SPTAN1: variants seen among roughly 807,000 people sequenced by gnomAD.
The protein encoded by SPTAN1 is spectrin alpha, non-erythrocytic 1, also known as spectrin alpha chain, non-erythrocytic 1.
In SPTAN1, 61 loss-of-function variants were observed where a neutral mutation model predicts 331.3. The observed-to-expected ratio is 0.18, with a 90% CI of 0.15 to 0.23. The LOEUF (loss-of-function observed/expected upper bound fraction) is 0.23. Ranked by LOEUF, SPTAN1 falls within the 10% of genes least tolerant of loss-of-function variation. The pLI, the probability that SPTAN1 is intolerant of heterozygous loss-of-function variation, is 1.00. For synonymous variants in SPTAN1, 1,153 were observed against 1,173.9 expected (o/e 0.98, Z 0.36); for missense variants, 2,043 against 3,147.9 (o/e 0.65, Z 8.40).
chr9:128,583,833 A>G lies in SPTAN1; in HGVS notation c.2057A>G (p.Asn686Ser), dbSNP rs746207210. 1.2e-6 allele frequency: 2 copies of G among 1,614,226 alleles called. No individual in the cohort carries two copies. Among genetic ancestry groups the G allele is most frequent in the South Asian group, 1.1e-5 (1 of 91,092 alleles). ...AACCAGCAACAGCAATTTAATCGCA[A>G]TGTTGAGGATATTGAATTGTGGCTA... ...EANQQQQFNRNVEDIELWLYE... is the reference protein window; with the variant it reads ...EANQQQQFNRSVEDIELWLYE... Residue 686 changes from asparagine to serine, a missense_variant, in exon 16 of 57, where the codon AAT (asparagine) becomes AGT (serine). Asn to Ser is a conservative substitution (Grantham distance 46). This residue lies in a region of SPTAN1 where 1,038 missense variants were observed against 1,531.5 expected (regional missense o/e 0.68). Coordinates refer to ENST00000372739, the MANE Select transcript of SPTAN1 (RefSeq NM_001130438.3).
rs926048060 is a variant in SPTAN1 at position 128,608,412 on chromosome 9, A to T, written c.4491+136A>T. On this transcript the variant is annotated intron_variant, in intron 34 of 56. Coordinates refer to ENST00000372739, the MANE Select transcript of SPTAN1 (RefSeq NM_001130438.3). The stretch of plus-strand genomic sequence containing the variant: ...AAAAATATGTACATAAATAATCTTT[A>T]AAACTTTATAGATTCTGGTATTTCT... The T allele has an allele frequency of 8.8e-6, 10 of 1,130,314 alleles. No homozygotes were observed. The African/African-American group carries it at 1.3e-4, about 14-fold the overall frequency. The allele number at this position is 1,130,314 out of a possible 1,614,324, so 70.0% of individuals were successfully genotyped here.
rs11444346 is a variant in SPTAN1, at chr9:128,624,086, CAAAAAAAAAA to C, written c.5833-225_5833-216del. Among the ~76,000 whole-genome samples the C allele has an allele frequency of 7.2e-4, 48 of 66,814 alleles. 3 individuals are homozygous for C. In the South Asian group the frequency reaches 7.8e-3, roughly 11 times the overall value. The allele number at this position is 66,814 out of a possible 152,430, so 43.8% of individuals were successfully genotyped here. A position where few individuals can be genotyped will look rare whatever the true frequency, so the allele number is the denominator to read the frequency against. Reference sequence around the variant, plus strand: ...CGACGGAGTGAAATTCACTCCGTCTCAAAAAAAAAAAAAAAAAAAAAAAAAAGAATTCCTA... The same window carrying C: ...CGACGGAGTGAAATTCACTCCGTCTCAAAAAAAAAAAAAAAAGAATTCCTA... On this transcript the variant is annotated intron_variant, in intron 45 of 56. Transcript: ENST00000372739.
In SPTAN1 at chr9:128,607,887, T is replaced by G. The variant is rs1856094333; in HGVS notation, c.4182T>G (p.Thr1394=). The change falls in exon 33 of 57, where the codon ACT becomes ACG. Residue 1394 remains threonine (T), a synonymous_variant. Transcript: ENST00000372739. ...CAGAAATCGATGCCAGGGCTGGCAC[T>G]TTCCAGGCATTTGAGCAGTTTGGAC... ...HRTEIDARAG[T]FQAFEQFGQQ... 1.9e-6 allele frequency: 3 copies of G among 1,613,984 alleles called. No individual in the cohort carries two copies. The highest frequency in any genetic ancestry group is 2.5e-6 in the Non-Finnish European group (3 of 1,180,038).
At chr9:128,626,034 A>C (rs1589387153) in intron 48 of SPTAN1, 56 bp downstream of exon 48, 11 of 1,597,558 alleles carry the variant, frequency 6.9e-6, no homozygotes, top group Non-Finnish European at 8.6e-6. Flanking sequence ...AAGGACGCCC[A>C]CCTTCTGTCT....
At position 128,564,159 on chromosome 9, in the gene SPTAN1, G is replaced by A. The variant is rs150275002; in HGVS notation, c.-3-2579G>A. Among the ~76,000 whole-genome samples, 934 of 151,998 alleles carry A rather than the reference G, an allele frequency of 6.1e-3. 6 individuals are homozygous for A. The highest frequency in any genetic ancestry group is 0.022 in the African/African-American group (899 of 41,462). Reference sequence around the variant, plus strand: ...GTCATGGCTGTGCGTGGTGGCTCACGCCTGTAATCTTAGCACTTTGGGAGG... The same window carrying A: ...GTCATGGCTGTGCGTGGTGGCTCACACCTGTAATCTTAGCACTTTGGGAGG... On this transcript the variant is annotated intron_variant, in intron 1 of 56. Coordinates refer to ENST00000372739, the MANE Select transcript of SPTAN1 (RefSeq NM_001130438.3).
chr9:128,621,369 C>G, intron 45 of SPTAN1, 113 bp downstream of exon 45: 1 of 842,618 alleles, frequency 1.2e-6, no homozygotes, highest in Non-Finnish European at 2.0e-6. Flanking sequence ...CCAAGGTCTG[C>G]GTGGAGACCA....
At chr9:128,624,184 C>G (rs1858380639) in intron 45 of SPTAN1, 144 bp from the exon 46 acceptor site, 5 of 851,278 alleles carry the variant, frequency 5.9e-6, no homozygotes, top group Admixed American at 2.0e-5. Context: ...CTTACAAAAG[C>G]CTTACCCTAT....
Position 128,630,387 on chromosome 9 carries a change from T to C in SPTAN1, c.6762+12T>C, listed in dbSNP as rs1859505493. 1.2e-6 allele frequency: 2 copies of C among 1,611,894 alleles called. No homozygotes were observed. The highest frequency in any genetic ancestry group is 1.7e-6 in the Non-Finnish European group (2 of 1,179,912). On this transcript the variant is annotated intron_variant, in intron 52 of 56. Transcript: ENST00000372739. Reference sequence around the variant, plus strand: ...TTGAAGCTACCAAAGTAAGTGCCCGTGGGGCTCTGGCCCAGCAGAGACCCT... The same window carrying C: ...TTGAAGCTACCAAAGTAAGTGCCCGCGGGGCTCTGGCCCAGCAGAGACCCT...
intron 1 of SPTAN1, among the ~76,000 whole-genome samples, chr9:128,563,719 T>C (rs1849677352): frequency 1.3e-5 from 2 of 151,242 alleles, no homozygotes; most frequent in South Asian, 2.1e-4. Context: ...CCATTTCTTT[T>C]TTTTTTTTTT....
At chr9:128,581,484 A>AG in intron 11 of SPTAN1, among the ~76,000 whole-genome samples, 1 of 151,464 alleles carries the variant, frequency 6.6e-6, no homozygotes, top group East Asian at 1.9e-4. Context: ...CAAAAAAAAA[A>AG]AAAACAAACA....
intron 45 of SPTAN1, among the ~76,000 whole-genome samples, chr9:128,622,530 C>T (rs1264967133): frequency 6.6e-6 from 1 of 151,766 alleles, no homozygotes; most frequent in Non-Finnish European, 1.5e-5. Context: ...AACTCCTGAC[C>T]TCAGGTGATC....
intron 45 of SPTAN1, chr9:128,621,842 C>T (rs76736205): frequency 6.0e-6 from 1 of 167,044 alleles, no homozygotes; most frequent in Admixed American, 5.4e-5. Flanking sequence ...TCAGCAGCAG[C>T]GAAGCCACAT....
intron 30 of SPTAN1, 54 bp downstream of exon 30, chr9:128,605,232 G>A: frequency 6.2e-7 from 1 of 1,614,156 alleles, no homozygotes; most frequent in Non-Finnish European, 8.5e-7. Context: ...AGAAAGAGCA[G>A]AGTCTTCTGT....
chr9:128,585,127 G>C (rs1852424319), intron 18 of SPTAN1, among the ~76,000 whole-genome samples: 2 of 150,486 alleles, frequency 1.3e-5, no homozygotes, highest in Non-Finnish European at 2.9e-5. Context: ...CAGTTCTCCT[G>C]TCTCAGCCTC....
At chr9:128,604,066 A>T (rs1039994436) in intron 28 of SPTAN1, among the ~76,000 whole-genome samples, 2 of 152,192 alleles carry the variant, frequency 1.3e-5, no homozygotes, top group East Asian at 3.8e-4. Context: ...GAGTAAGGAA[A>T]AGTCAGCTGT....
At chr9:128,585,008 T>TAAG in intron 18 of SPTAN1, among the ~76,000 whole-genome samples, 165 bp downstream of exon 18, 2 of 147,548 alleles carry the variant, frequency 1.4e-5, no homozygotes, top group Non-Finnish European at 3.0e-5. Flanking sequence ...TTTCTGAGCC[T>TAAG]GAATTTCTTT....
intron 13 of SPTAN1, 21 bp downstream of exon 13, chr9:128,582,577 T>C: frequency 1.9e-6 from 3 of 1,613,174 alleles, no homozygotes; most frequent in Non-Finnish European, 2.5e-6. Flanking sequence ...AGGTTCTTCA[T>C]GCTCCTCCTT....
At position 128,627,563 on chromosome 9, in the gene SPTAN1, T is replaced by C. The variant is rs1858954793; in HGVS notation, c.6689+65T>C. ...TGCTGTACTTAAGCCCTGGGGAGCTTCCAGCCCCAAGGAGGTGGTGGTGCT... is the reference window on the plus strand; with the variant it reads ...TGCTGTACTTAAGCCCTGGGGAGCTCCCAGCCCCAAGGAGGTGGTGGTGCT... On this transcript the variant is annotated intron_variant, in intron 50 of 56. Coordinates refer to ENST00000372739, the MANE Select transcript of SPTAN1 (RefSeq NM_001130438.3). The surrounding 1 kb of genome is among the most constrained non-coding windows in gnomAD (Gnocchi z 4.9). 6 of 1,433,100 alleles carry C rather than the reference T, an allele frequency of 4.2e-6. No homozygotes were observed. In the East Asian group the frequency reaches 1.5e-4, roughly 36 times the overall value. 88.8% of individuals were successfully genotyped at this position (1,433,100 alleles called of 1,614,324 possible). A position where few individuals can be genotyped will look rare whatever the true frequency, so the allele number is the denominator to read the frequency against.
intron 52 of SPTAN1, among the ~76,000 whole-genome samples, chr9:128,630,978 G>T (rs1009562144): frequency 6.6e-6 from 1 of 152,122 alleles, no homozygotes; most frequent in African/African-American, 2.4e-5. Context: ...CAAAGTGCTG[G>T]GATTACAAGC....
Sources: allele counts gnomAD v4.1 joint callset (sites outside exome capture counted in the v4.1 genomes callset), GRCh38; gene constraint gnomAD v4.1.1; regional missense constraint gnomAD v4.1.1; non-coding constraint Gnocchi (gnomAD v3.1); transcripts MANE v1.5; gene names NCBI Gene and HGNC (gene_info 2026-07-23, HGNC 2026-07-21).